The following PAN3 variants were observed in gnomAD, a reference collection of about 807,000 sequenced individuals.
The protein encoded by PAN3 is PAN2-PAN3 deadenylation complex subunit PAN3.
Under a neutral mutation model 96.2 loss-of-function variants are expected in PAN3, and 19 were observed. That is an observed-to-expected ratio of 0.20 (90% CI 0.14 to 0.29). The LOEUF is 0.29. Among genes scored for constraint, PAN3 ranks in the 10% least tolerant of loss-of-function variants. The pLI is 1.00. For synonymous variants in PAN3, 433 were observed against 406.6 expected (o/e 1.06, Z -0.78); for missense variants, 882 against 1,108.1 (o/e 0.80, Z 2.90).
intron 1 of PAN3, among the ~76,000 whole-genome samples, chr13:28,162,745 A>G (rs768756863): frequency 2.0e-5 from 3 of 151,412 alleles, no homozygotes; most frequent in African/African-American, 4.9e-5. Flanking sequence ...TTGAGGGGCC[A>G]AGGAGGGAGG....
At chr13:28,175,349 A>G (rs902955816) in intron 2 of PAN3, among the ~76,000 whole-genome samples, 1 of 152,160 alleles carries the variant, frequency 6.6e-6, no homozygotes. Flanking sequence ...GGCACAAGCA[A>G]TACTCCTCTC....
At chr13:28,155,656 A>G (rs1872046002) in intron 1 of PAN3, among the ~76,000 whole-genome samples, 1 of 152,184 alleles carries the variant, frequency 6.6e-6, no homozygotes, top group South Asian at 2.1e-4. Context: ...GAGTGCATAG[A>G]TTAATAAAGG....
chr13:28,238,628 CT>C (rs978147124), intron 6 of PAN3, among the ~76,000 whole-genome samples: 2 of 152,100 alleles, frequency 1.3e-5, no homozygotes, highest in East Asian at 3.9e-4. Context: ...AGCATTGATA[CT>C]TTTTTTAATG....
chr13:28,233,669 G>T (rs1224721607), intron 6 of PAN3, among the ~76,000 whole-genome samples: 2 of 152,150 alleles, frequency 1.3e-5, no homozygotes. Flanking sequence ...TTAATTTTGT[G>T]TTTGAACATT....
chr13:28,256,260 T>A, intron 6 of PAN3, 32 bp from the exon 7 acceptor site: 1 of 1,590,084 alleles, frequency 6.3e-7, no homozygotes, highest in Non-Finnish European at 8.6e-7. Flanking sequence ...CAATTATTGC[T>A]CCATTAAGAA....
chr13:28,204,910 G>A (rs758877107), intron 5 of PAN3, among the ~76,000 whole-genome samples: 2 of 152,192 alleles, frequency 1.3e-5, no homozygotes, highest in Non-Finnish European at 2.9e-5. Context: ...GACTGTGCAT[G>A]TGTTAGGGGA....
At chr13:28,282,281 G>A (rs1327563801) in intron 17 of PAN3, among the ~76,000 whole-genome samples, 1 of 151,714 alleles carries the variant, frequency 6.6e-6, no homozygotes, top group African/African-American at 2.4e-5. Context: ...TTACATTTCA[G>A]GAATGTTTGA....
At chr13:28,179,528 A>G (rs562820409) in intron 4 of PAN3, among the ~76,000 whole-genome samples, 2 of 152,300 alleles carry the variant, frequency 1.3e-5, no homozygotes, top group Admixed American at 6.5e-5. Flanking sequence ...CAGTATGTAT[A>G]ACATACCAAG....
chr13:28,264,731 C>G (rs1481476333), intron 9 of PAN3, among the ~76,000 whole-genome samples: 1 of 152,082 alleles, frequency 6.6e-6, no homozygotes, highest in Non-Finnish European at 1.5e-5. Flanking sequence ...AAGTATGATT[C>G]CTTAACCAGA....
chr13:28,214,807 TCA>T, intron 5 of PAN3: 2 of 623,290 alleles, frequency 3.2e-6, no homozygotes, highest in Non-Finnish European at 5.9e-6. Flanking sequence ...CACAGAGACT[TCA>T]TCAAAAACAT....
At chr13:28,139,116 C>T in intron 1 of PAN3, 29 bp downstream of exon 1, 1 of 1,273,802 alleles carries the variant, frequency 7.9e-7, no homozygotes, top group Non-Finnish European at 9.9e-7. Flanking sequence ...GGGCGGGCCG[C>T]GGCGGCGGAG....
At chr13:28,279,431 C>T (rs1464094260) in intron 15 of PAN3, among the ~76,000 whole-genome samples, 4 of 152,058 alleles carry the variant, frequency 2.6e-5, no homozygotes, top group Non-Finnish European at 5.9e-5. Flanking sequence ...CCACACCTAC[C>T]CCCTTTTAGT....
chr13:28,194,650 A>C (rs1426259274), intron 4 of PAN3, among the ~76,000 whole-genome samples: 2 of 151,558 alleles, frequency 1.3e-5, no homozygotes, highest in African/African-American at 4.9e-5. Flanking sequence ...TTTGTATTTT[A>C]GTAGAGATGG....
chr13:28,250,405 T>C (rs937943906), intron 6 of PAN3, among the ~76,000 whole-genome samples: 2 of 152,118 alleles, frequency 1.3e-5, no homozygotes, highest in South Asian at 4.1e-4. Flanking sequence ...TTCACTCTTA[T>C]CACCCAGGCT....
At chr13:28,199,972 T>A (rs1593459134) in intron 5 of PAN3, among the ~76,000 whole-genome samples, 1 of 152,322 alleles carries the variant, frequency 6.6e-6, no homozygotes, top group African/African-American at 2.4e-5. Context: ...GCTAAGCTCT[T>A]TACGCGTATT....
At chr13:28,155,965 A>G (rs1343776167) in intron 1 of PAN3, among the ~76,000 whole-genome samples, 1 of 152,170 alleles carries the variant, frequency 6.6e-6, no homozygotes, top group African/African-American at 2.4e-5. Flanking sequence ...AGCTGTGGCC[A>G]CGTTGTGAAG....
intron 6 of PAN3, among the ~76,000 whole-genome samples, chr13:28,248,427 C>G (rs1884411393): frequency 6.6e-6 from 1 of 151,996 alleles, no homozygotes; most frequent in South Asian, 2.1e-4. Flanking sequence ...TTCCTCTTGC[C>G]TAATTGCTGG....
At chr13:28,239,398 G>T (rs1371901020) in intron 6 of PAN3, among the ~76,000 whole-genome samples, 1 of 152,026 alleles carries the variant, frequency 6.6e-6, no homozygotes, top group African/African-American at 2.4e-5. Context: ...CTGTAACTGA[G>T]TGAAAGCTTT....
chr13:28,178,490 A>G (rs915013422), intron 4 of PAN3, among the ~76,000 whole-genome samples: 3 of 152,148 alleles, frequency 2.0e-5, no homozygotes, highest in Non-Finnish European at 4.4e-5. Context: ...TGTTGTGACA[A>G]GTTGAATAAT....
Sources: allele counts gnomAD v4.1 joint callset (sites outside exome capture counted in the v4.1 genomes callset), GRCh38; gene constraint gnomAD v4.1.1; transcripts MANE v1.5; gene names NCBI Gene and HGNC (gene_info 2026-07-23, HGNC 2026-07-21).